TULP4: variants seen among roughly 807,000 people sequenced by gnomAD.
TULP4 encodes TUB like protein 4.
In TULP4, 16 loss-of-function variants were observed where a neutral mutation model predicts 129.0. That is an observed-to-expected ratio of 0.12 (90% CI 0.08 to 0.19). The LOEUF is 0.19. Among genes scored for constraint, TULP4 ranks in the 10% least tolerant of loss-of-function variants. TULP4 has a pLI of 1.00. For missense variants in TULP4, 1,842 were observed against 2,059.1 expected, an observed-to-expected ratio of 0.89 and a Z score of 2.04; for synonymous variants, 998 against 854.0, an observed-to-expected ratio of 1.17 and a Z score of -2.94.
chr6:158,324,558 G>A (rs1779704470), intron 1 of TULP4, among the ~76,000 whole-genome samples: 1 of 152,206 alleles, frequency 6.6e-6, no homozygotes, highest in South Asian at 2.1e-4. Context: ...AAAAGGCACT[G>A]TTCCTGCCCA....
intron 2 of TULP4, among the ~76,000 whole-genome samples, chr6:158,415,890 T>C (rs145893173): frequency 9.6e-4 from 146 of 152,288 alleles, no homozygotes; most frequent in Non-Finnish European, 1.8e-3. Flanking sequence ...AATCCCATGA[T>C]AGGCCGTCTG....
intron 1 of TULP4, among the ~76,000 whole-genome samples, chr6:158,395,668 C>G (rs867033750): frequency 1.4e-4 from 12 of 83,100 alleles, no homozygotes; most frequent in Admixed American, 3.5e-4. Context: ...AAGTGATGGG[C>G]GGGGGGGGGG....
At chr6:158,330,452 T>C (rs899737631) in intron 1 of TULP4, among the ~76,000 whole-genome samples, 2 of 152,270 alleles carry the variant, frequency 1.3e-5, no homozygotes, top group African/African-American at 4.8e-5. Context: ...TGCTTTATTC[T>C]GTCCTTTGCA....
At position 158,502,659 on chromosome 6, in the gene TULP4, C is replaced by T. The variant is rs377149954; in HGVS notation, c.2996C>T (p.Ala999Val). The part of the protein sequence containing the change: ...RNNREATLKM[A>V]QLADSPRAPL... Reference sequence around the variant, plus strand: ...AACCGTGAGGCTACGCTCAAGATGGCCCAGCTGGCCGACAGCCCGCGGGCC... The same window carrying T: ...AACCGTGAGGCTACGCTCAAGATGGTCCAGCTGGCCGACAGCCCGCGGGCC... The change falls in exon 13 of 14, where the codon GCC becomes GTC. Residue 999 changes from alanine (A) to valine (V), a missense_variant. Around this residue, in one of 5 missense-constraint regions of TULP4, gnomAD observed 1,089 missense variants for 987.1 expected, o/e 1.10. Transcript: ENST00000367097. 19 of 1,567,474 alleles carry T rather than the reference C, an allele frequency of 1.2e-5. No individual in the cohort carries two copies. Among genetic ancestry groups the T allele is most frequent in the Admixed American group, 5.2e-5 (3 of 57,790 alleles).
At position 158,506,679 on chromosome 6, in the gene TULP4, T is replaced by A. The variant is rs749650532; in HGVS notation, c.4617T>A (p.Thr1539=). 6.2e-7 allele frequency: 1 copy of A among 1,610,954 alleles called. No individual in the cohort carries two copies. The highest frequency in any genetic ancestry group is 1.7e-5 in the Admixed American group (1 of 60,020). The part of the protein sequence containing the change: ...QAFAVALANV[T]QRLK Reference sequence around the variant, plus strand: ...TTGCAGTTGCCCTGGCCAACGTGACTCAGCGCCTCAAATGAAGAGACTGGT... The same window carrying A: ...TTGCAGTTGCCCTGGCCAACGTGACACAGCGCCTCAAATGAAGAGACTGGT... The change falls in exon 14 of 14, where the codon ACT becomes ACA. Residue 1539 remains threonine (T), a synonymous_variant. Transcript: ENST00000367097.
chr6:158,449,014 G>A lies in TULP4; in HGVS notation c.562G>A (p.Asp188Asn), dbSNP rs748728620. 1.7e-5 allele frequency: 27 copies of A among 1,611,890 alleles called. No homozygotes were observed. Among genetic ancestry groups the A allele is most frequent in the South Asian group, 1.1e-4 (10 of 90,750 alleles). ...DDQQVLFGTA[D>N]GQVIVMDCHG... ...ATTGCAGGTGCTGTTTGGCACGGCC[G>A]ATGGGCAGGTGATTGTCATGGATTG... Residue 188 changes from aspartate to asparagine, a missense_variant, in exon 4 of 14, where the codon GAT (aspartate) becomes AAT (asparagine). Transcript: ENST00000367097.
At chr6:158,332,184 AAAAAAAAAAAAAAAAAAT>A (rs1229693733) in intron 1 of TULP4, among the ~76,000 whole-genome samples, 315 of 44,404 alleles carry the variant, frequency 7.1e-3, no homozygotes, top group Admixed American at 0.028. Flanking sequence ...AAAAAAAAAA[AAAAAAAAAAAAAAAAAAT>A]ATATATATAT....
At chr6:158,308,504 A>C (rs1412353206), upstream of TULP4, among the ~76,000 whole-genome samples, 109 of 151,906 alleles carry the variant, frequency 7.2e-4, 1 homozygote, top group African/African-American at 2.2e-3. Context: ...CCCGTTCTCA[A>C]TGAGCTGTTG....
intron 11 of TULP4, among the ~76,000 whole-genome samples, chr6:158,496,008 G>A (rs901582406): frequency 2.0e-5 from 3 of 152,090 alleles, no homozygotes; most frequent in Non-Finnish European, 4.4e-5. Flanking sequence ...ACATGTATTC[G>A]GATCTGCCCT....
chr6:158,330,841 A>G (rs12203292), intron 1 of TULP4, among the ~76,000 whole-genome samples: 175 of 152,204 alleles, frequency 1.1e-3, no homozygotes, highest in Non-Finnish European at 1.7e-3. Context: ...TATGACATTG[A>G]CCTTTTAGAA....
At chr6:158,266,414 G>A (rs196347) in intron 1 of TULP4, among the ~76,000 whole-genome samples, 10,064 of 152,100 alleles carry the variant, frequency 0.066, 406 homozygotes, top group East Asian at 0.093. Flanking sequence ...GTGCCACCAC[G>A]CCCAGCTAAT....
intron 3 of TULP4, among the ~76,000 whole-genome samples, chr6:158,443,387 G>A (rs1778944657): frequency 6.6e-6 from 1 of 152,116 alleles, no homozygotes; most frequent in African/African-American, 2.4e-5. Context: ...AAAGTCCTGG[G>A]ATTACAGGCA....
At chr6:158,386,249 TATTA>T (rs1465657271) in intron 1 of TULP4, among the ~76,000 whole-genome samples, 1 of 152,182 alleles carries the variant, frequency 6.6e-6, no homozygotes, top group Non-Finnish European at 1.5e-5. Flanking sequence ...ATCAGACTCC[TATTA>T]ATTATATGTT....
At chr6:158,455,659 C>A (rs1398235847) in intron 5 of TULP4, among the ~76,000 whole-genome samples, 2 of 151,810 alleles carry the variant, frequency 1.3e-5, no homozygotes, top group Admixed American at 6.6e-5. Flanking sequence ...ATCACTTGAA[C>A]CCGGGAGGCA....
intron 1 of TULP4, among the ~76,000 whole-genome samples, chr6:158,401,550 A>T (rs1777849683): frequency 6.6e-6 from 1 of 151,744 alleles, no homozygotes; most frequent in African/African-American, 2.4e-5. Context: ...TAGTGATGAA[A>T]AATGGAGTTG....
chr6:158,476,989 G>T (rs1338415372), intron 6 of TULP4, among the ~76,000 whole-genome samples: 1 of 152,158 alleles, frequency 6.6e-6, no homozygotes, highest in African/African-American at 2.4e-5. Context: ...AACCTCATAT[G>T]TTAGATGAGA....
At position 158,476,911 on chromosome 6, in the gene TULP4, G is replaced by A. The variant is rs370962728; in HGVS notation, c.1027-2840G>A. On this transcript the variant is annotated intron_variant, in intron 6 of 13. Coordinates refer to ENST00000367097, the MANE Select transcript of TULP4 (RefSeq NM_020245.5). ...AAGGACCAGCAGTGGAGCTGGGGAG[G>A]GATGAGAATCACAGCTCTTCCACCA... Among the ~76,000 whole-genome samples the A allele has an allele frequency of 2.6e-5, 4 of 152,132 alleles. No homozygotes were observed. The East Asian group carries it at 7.7e-4, about 29-fold the overall frequency.
rs571743231 is a variant in TULP4 at position 158,410,005 on chromosome 6, G to A, written c.253-3060G>A. 1.1e-3 allele frequency among the ~76,000 whole-genome samples: 171 copies of A among 152,164 alleles called. 1 individual carries two copies. The highest frequency in any genetic ancestry group is 3.9e-3 in the African/African-American group (161 of 41,508). On this transcript the variant is annotated intron_variant, in intron 1 of 13. Transcript: ENST00000367097. ...CGAGTAGCTGGGACTACAGGTGCCC[G>A]CCACCACGCCCAGCTAGTTTTTGTA... is the stretch of plus-strand genomic sequence containing the variant.
Position 158,489,829 on chromosome 6 carries a change from C to CA in TULP4, c.1631+100dup, listed in dbSNP as rs951398700. ...TCGCATTGAAACTGACCAGAAGAGT[C>CA]AAAGAGCAACCTCCCTGCCTTTTCT... On this transcript the variant is annotated intron_variant, in intron 9 of 13. Coordinates refer to ENST00000367097, the MANE Select transcript of TULP4 (RefSeq NM_020245.5). 5.0e-5 allele frequency: 70 copies of CA among 1,413,650 alleles called. No individual in the cohort carries two copies. The African/African-American group carries it at 9.2e-4, about 18-fold the overall frequency. The allele number at this position is 1,413,650 out of a possible 1,614,324, so 87.6% of individuals were successfully genotyped here. A position where few individuals can be genotyped will look rare whatever the true frequency, so the allele number is the denominator to read the frequency against.
Sources: allele counts gnomAD v4.1 joint callset (sites outside exome capture counted in the v4.1 genomes callset), GRCh38; gene constraint gnomAD v4.1.1; regional missense constraint gnomAD v4.1.1; transcripts MANE v1.5; gene names NCBI Gene and HGNC (gene_info 2026-07-23, HGNC 2026-07-21).